The following MAML3 variants were observed in gnomAD, a reference collection of about 807,000 sequenced individuals.
The protein encoded by MAML3 is mastermind like transcriptional coactivator 3.
In MAML3, 27 loss-of-function variants were observed where a neutral mutation model predicts 101.9. That is an observed-to-expected ratio of 0.27 (90% CI 0.20 to 0.37). The LOEUF (loss-of-function observed/expected upper bound fraction) is 0.37. Ranked by LOEUF, MAML3 falls within the 10% of genes least tolerant of loss-of-function variation. The probability of loss-of-function intolerance (pLI) is 1.00; values close to 1 mark genes in which losing one functional copy is unlikely to be tolerated. For missense variants in MAML3, 1,316 were observed against 1,444.9 expected (o/e 0.91, Z 1.45); for synonymous variants, 501 against 555.9 (o/e 0.90, Z 1.39).
At chr4:139,821,230 C>G (rs754128289) in intron 2 of MAML3, among the ~76,000 whole-genome samples, 1 of 152,130 alleles carries the variant, frequency 6.6e-6, no homozygotes, top group Non-Finnish European at 1.5e-5. Context: ...GTCCCCAATC[C>G]CCGGATCATG....
chr4:140,039,619 G>A (rs1298078058), intron 1 of MAML3, among the ~76,000 whole-genome samples: 2 of 152,112 alleles, frequency 1.3e-5, no homozygotes, highest in Non-Finnish European at 2.9e-5. Flanking sequence ...CAGGTGACAT[G>A]GCATTGCCAC....
intron 1 of MAML3, among the ~76,000 whole-genome samples, chr4:139,946,923 A>T (rs1332605500): frequency 0.014 from 887 of 62,126 alleles, 8 homozygotes; most frequent in African/African-American, 0.065. Context: ...ACACACACAC[A>T]CACTCTCTCT....
In MAML3 at chr4:139,889,521, G is replaced by T; in HGVS notation, c.1915C>A (p.Gln639Lys). 1 of 1,612,102 alleles carries T rather than the reference G, an allele frequency of 6.2e-7. No individual in the cohort carries two copies. The highest frequency in any genetic ancestry group is 2.2e-5 in the East Asian group (1 of 44,878). The stretch of plus-strand genomic sequence containing the variant: ...TGCTGCTGCTGCTGTTGCTGTTGCT[G>T]CTGCTGTTGCTGCTGCTGGATATAC... ...MPYIQQQQQQQQQQQQQQQQQ... is the reference protein window; with the variant it reads ...MPYIQQQQQQKQQQQQQQQQQ... The change falls in exon 2 of 5, where the codon CAG becomes AAG. Residue 639 changes from glutamine to lysine, a missense_variant. Gln to Lys is a moderately conservative substitution (Grantham distance 53). Transcript: ENST00000509479.
intron 1 of MAML3, among the ~76,000 whole-genome samples, chr4:140,054,127 T>G (rs1727313598): frequency 6.6e-6 from 1 of 152,174 alleles, no homozygotes; most frequent in Non-Finnish European, 1.5e-5. Flanking sequence ...CCCAGCACTT[T>G]GGGAGGCCGG....
At chr4:139,822,264 CCACCACCAT>C (rs1294590209) in intron 2 of MAML3, among the ~76,000 whole-genome samples, 9 of 147,816 alleles carry the variant, frequency 6.1e-5, no homozygotes, top group African/African-American at 2.3e-4. Flanking sequence ...ACCACCACCA[CCACCACCAT>C]CATCATCATC....
intron 1 of MAML3, among the ~76,000 whole-genome samples, chr4:139,942,298 C>A (rs953493019): frequency 6.6e-6 from 1 of 152,134 alleles, no homozygotes. Context: ...AATAGCCCAG[C>A]TAAGAGATTT....
At chr4:139,822,760 A>G (rs1350718633) in intron 2 of MAML3, among the ~76,000 whole-genome samples, 2 of 152,252 alleles carry the variant, frequency 1.3e-5, no homozygotes, top group Non-Finnish European at 2.9e-5. Flanking sequence ...AGGGAGGAAG[A>G]CAGGAATCCC....
intron 1 of MAML3, among the ~76,000 whole-genome samples, chr4:140,127,663 G>A (rs767797870): frequency 1.6e-4 from 24 of 152,072 alleles, no homozygotes; most frequent in Non-Finnish European, 2.8e-4. Context: ...AATAATAACA[G>A]CTGATATTTA....
intron 1 of MAML3, among the ~76,000 whole-genome samples, chr4:140,147,327 ATT>A (rs1475294976): frequency 2.0e-5 from 3 of 152,176 alleles, no homozygotes; most frequent in African/African-American, 7.2e-5. Flanking sequence ...CTCAGTCTTT[ATT>A]ATTTGTGCTA....
intron 2 of MAML3, among the ~76,000 whole-genome samples, chr4:139,736,590 A>T (rs986883939): frequency 1.3e-5 from 2 of 152,204 alleles, no homozygotes; most frequent in Admixed American, 6.5e-5. Context: ...AATAGCTAAG[A>T]ATACTCTAAA....
intron 1 of MAML3, among the ~76,000 whole-genome samples, chr4:140,092,101 T>TATAC (rs1218545496): frequency 4.2e-5 from 4 of 96,070 alleles, no homozygotes; most frequent in African/African-American, 6.7e-5. Flanking sequence ...TATATATATA[T>TATAC]ACGTATATAT....
chr4:139,755,489 T>C (rs1477464982), intron 2 of MAML3, among the ~76,000 whole-genome samples: 1 of 152,026 alleles, frequency 6.6e-6, no homozygotes, highest in East Asian at 1.9e-4. Context: ...GCGCCTGTAG[T>C]CCCAGTTACA....
intron 1 of MAML3, among the ~76,000 whole-genome samples, chr4:139,919,564 G>A (rs1733086435): frequency 6.6e-6 from 1 of 152,184 alleles, no homozygotes; most frequent in Admixed American, 6.5e-5. Context: ...GGGAATGACA[G>A]GCAGAAGTGA....
chr4:140,032,664 G>C (rs1461989815), intron 1 of MAML3, among the ~76,000 whole-genome samples: 1 of 151,888 alleles, frequency 6.6e-6, no homozygotes, highest in African/African-American at 2.4e-5. Context: ...CTTTCTGAAG[G>C]GCATTTGGCA....
At position 139,719,083 on chromosome 4, in the gene MAML3, C is replaced by G; in HGVS notation, c.*240G>C. 2.0e-6 allele frequency: 1 copy of G among 493,772 alleles called. No individual in the cohort carries two copies. The highest frequency in any genetic ancestry group is 3.5e-6 in the Non-Finnish European group (1 of 283,660). 30.6% of individuals were successfully genotyped at this position (493,772 alleles called of 1,614,324 possible). A position where few individuals can be genotyped will look rare whatever the true frequency, so the allele number is the denominator to read the frequency against. ...TTCCCACCTGCTCCTCCGGGTGTCTCCCTCTCTCGCAGCCGGGATCTGCAT... is the reference window on the plus strand; with the variant it reads ...TTCCCACCTGCTCCTCCGGGTGTCTGCCTCTCTCGCAGCCGGGATCTGCAT... On this transcript the variant is annotated 3_prime_UTR_variant, in exon 5 of 5. Coordinates refer to ENST00000509479, the MANE Select transcript of MAML3 (RefSeq NM_018717.5).
chr4:140,099,633 T>C (rs983260329), intron 1 of MAML3, among the ~76,000 whole-genome samples: 3 of 152,222 alleles, frequency 2.0e-5, no homozygotes, highest in Non-Finnish European at 4.4e-5. Context: ...TTTTTAAACA[T>C]CTCAAAGCCT....
chr4:139,820,410 T>C (rs1336540283), intron 2 of MAML3, among the ~76,000 whole-genome samples: 1 of 152,248 alleles, frequency 6.6e-6, no homozygotes, highest in South Asian at 2.1e-4. Context: ...GGACTTAGGC[T>C]GATGAAAGTG....
rs750100990 is a variant in MAML3, at chr4:139,725,767, C to T, written c.2400G>A (p.Gln800=). 1.2e-6 allele frequency: 2 copies of T among 1,613,974 alleles called. No homozygotes were observed. Among genetic ancestry groups the T allele is most frequent in the East Asian group, 4.5e-5 (2 of 44,884 alleles). Residue 800 remains glutamine (Q), a synonymous_variant, in exon 4 of 5, where the codon CAG becomes CAA. Transcript: ENST00000509479. ...QPQRNPYPVQ[Q]VNQFQGSPQD... ...TGGCCTCACCTTGAAACTGATTGAC[C>T]TGCTGCACTGGGTATGGATTCCGCT...
intron 2 of MAML3, among the ~76,000 whole-genome samples, chr4:139,741,150 G>A (rs148527021): frequency 6.8e-4 from 104 of 152,282 alleles, no homozygotes; most frequent in African/African-American, 2.5e-3. Flanking sequence ...AGGACTTAGA[G>A]CAGGGAAAAA....
Sources: allele counts gnomAD v4.1 joint callset (sites outside exome capture counted in the v4.1 genomes callset), GRCh38; gene constraint gnomAD v4.1.1; transcripts MANE v1.5; gene names NCBI Gene and HGNC (gene_info 2026-07-23, HGNC 2026-07-21).